IGSF5: variants seen among roughly 807,000 people sequenced by gnomAD.
The protein encoded by IGSF5 is immunoglobulin superfamily 5 like.
Under a neutral mutation model 39.4 loss-of-function variants are expected in IGSF5, and 41 were observed. The observed-to-expected ratio is 1.04, with a 90% CI of 0.81 to 1.35. The LOEUF (loss-of-function observed/expected upper bound fraction) is 1.35, where lower values mean the gene tolerates loss of function less well. Ranked by LOEUF, IGSF5 falls within the 40% of genes most tolerant of loss-of-function variation. The probability of loss-of-function intolerance (pLI) is 0.00; values close to 1 mark genes in which losing one functional copy is unlikely to be tolerated. For missense variants in IGSF5, 487 were observed against 494.6 expected (o/e 0.98, Z 0.15); for synonymous variants, 183 against 175.3 (o/e 1.04, Z -0.34).
intron 2 of IGSF5, among the ~76,000 whole-genome samples, chr21:39,753,280 T>C (rs1193611879): frequency 1.3e-5 from 2 of 152,200 alleles, no homozygotes; most frequent in Non-Finnish European, 2.9e-5. Context: ...TTTTGTATGC[T>C]CGGTTGAAGA....
intron 5 of IGSF5, among the ~76,000 whole-genome samples, chr21:39,782,228 A>G (rs946980508): frequency 1.3e-5 from 2 of 152,128 alleles, no homozygotes; most frequent in Non-Finnish European, 2.9e-5. Flanking sequence ...TGTTTTAATT[A>G]TAGAAGTTTT....
At chr21:39,756,927 T>C (rs1322808065) in intron 2 of IGSF5, among the ~76,000 whole-genome samples, 1 of 152,100 alleles carries the variant, frequency 6.6e-6, no homozygotes, top group Non-Finnish European at 1.5e-5. Context: ...GTCAATGGTC[T>C]GGCCAGGCTT....
the IGSF5 span, among the ~76,000 whole-genome samples, chr21:39,713,626 T>C: frequency 5.2e-3 from 791 of 152,290 alleles, 10 homozygotes; most frequent in African/African-American, 0.018. Context: ...CTGGGTCTCA[T>C]GCAAAACTGG....
the IGSF5 span, among the ~76,000 whole-genome samples, chr21:39,735,704 A>C: frequency 6.6e-6 from 1 of 152,218 alleles, no homozygotes; most frequent in African/African-American, 2.4e-5. Context: ...GAACTCAAAG[A>C]ACACGCATAT....
intron 8 of IGSF5, among the ~76,000 whole-genome samples, chr21:39,796,778 A>G (rs2086998381): frequency 6.6e-6 from 1 of 152,216 alleles, no homozygotes; most frequent in Non-Finnish European, 1.5e-5. Flanking sequence ...AGACTGAAAG[A>G]TCCCAAGCTG....
chr21:39,721,498 G>A, the IGSF5 span, among the ~76,000 whole-genome samples: 1 of 152,168 alleles, frequency 6.6e-6, no homozygotes, highest in Non-Finnish European at 1.5e-5. Flanking sequence ...TCTTAAAGCT[G>A]TTCAACTGAT....
At chr21:39,746,164 T>C in intron 1 of IGSF5, 52 bp from the exon 2 acceptor site, 3 of 701,110 alleles carry the variant, frequency 4.3e-6, no homozygotes, top group East Asian at 2.7e-5. Context: ...GCAGGAACAA[T>C]GGCGAGCCTT....
At chr21:39,713,735 C>T in the IGSF5 span, among the ~76,000 whole-genome samples, 7 of 152,126 alleles carry the variant, frequency 4.6e-5, no homozygotes, top group Admixed American at 1.3e-4. Flanking sequence ...CCTTGTGCTT[C>T]CTTCTTAAAG....
chr21:39,740,768 T>A (rs116841502), upstream of IGSF5, among the ~76,000 whole-genome samples: 1,752 of 152,326 alleles, frequency 0.012, 20 homozygotes, highest in Middle Eastern at 0.027. Context: ...AAGAAATGTG[T>A]CCAGGTTAAG....
At chr21:39,751,959 G>A (rs1033691352) in intron 2 of IGSF5, among the ~76,000 whole-genome samples, 1 of 152,118 alleles carries the variant, frequency 6.6e-6, no homozygotes, top group African/African-American at 2.4e-5. Context: ...CGGTGTCCAG[G>A]TTGCTCCTTA....
intron 1 of IGSF5, among the ~76,000 whole-genome samples, chr21:39,745,953 G>A (rs981700080): frequency 6.6e-6 from 1 of 152,176 alleles, no homozygotes; most frequent in African/African-American, 2.4e-5. Context: ...TCCCAAGATG[G>A]TGGTGAGCCA....
chr21:39,754,205 G>A (rs1345142523), intron 2 of IGSF5, among the ~76,000 whole-genome samples: 1 of 152,138 alleles, frequency 6.6e-6, no homozygotes, highest in Admixed American at 6.6e-5. Context: ...AATGCCTTTA[G>A]CATTTTTTGT....
At chr21:39,718,372 C>T in the IGSF5 span, among the ~76,000 whole-genome samples, 12 of 152,278 alleles carry the variant, frequency 7.9e-5, 1 homozygote, top group South Asian at 1.7e-3. Flanking sequence ...CTGGTTAGGA[C>T]TTCCAATACT....
chr21:39,771,080 G>A lies in IGSF5; in HGVS notation c.583G>A (p.Asp195Asn), dbSNP rs765181728. 1.5e-5 allele frequency: 25 copies of A among 1,613,662 alleles called. No homozygotes were observed. The highest frequency in any genetic ancestry group is 5.0e-5 in the Admixed American group (3 of 59,940). Residue 195 changes from aspartate to asparagine, a missense_variant, in exon 4 of 9, where the codon GAC (aspartate) becomes AAC (asparagine). Transcript: ENST00000380588. ...SSYYFVPEPS[D>N]LQSAVSILAL... ...CTATTATTTTGTTCCGGAGCCCAGC[G>A]ACCTTCAAAGTGCAGTGAGCATCCT...
At chr21:39,754,485 A>T (rs564030680) in intron 2 of IGSF5, among the ~76,000 whole-genome samples, 1 of 152,248 alleles carries the variant, frequency 6.6e-6, no homozygotes, top group East Asian at 1.9e-4. Context: ...CATTTCCAAT[A>T]ATCCAAAAAT....
At chr21:39,790,607 G>A (rs570817170) in intron 6 of IGSF5, among the ~76,000 whole-genome samples, 7 of 151,772 alleles carry the variant, frequency 4.6e-5, no homozygotes, top group Admixed American at 2.0e-4. Flanking sequence ...ACAGTGAGCC[G>A]AGATCACACC....
rs117586474 is a variant in IGSF5 at position 39,762,655 on chromosome 21, C to T, written c.101-2880C>T. 1.1e-3 allele frequency among the ~76,000 whole-genome samples: 168 copies of T among 152,226 alleles called. 4 individuals carry two copies. In the East Asian group the frequency reaches 0.031, roughly 28 times the overall value. ...TACCCCATGAGTCAGCTTTGCAGGC[C>T]TATTTCAAGATACGGCAAATAAAAC... On this transcript the variant is annotated intron_variant, in intron 2 of 8. Transcript: ENST00000380588.
At chr21:39,736,986 A>T in the IGSF5 span, among the ~76,000 whole-genome samples, 1 of 152,102 alleles carries the variant, frequency 6.6e-6, no homozygotes, top group South Asian at 2.1e-4. Flanking sequence ...CCTATGGCAC[A>T]TTGTTCTGGA....
the IGSF5 span, among the ~76,000 whole-genome samples, chr21:39,715,658 A>G: frequency 6.6e-6 from 1 of 152,248 alleles, no homozygotes; most frequent in Non-Finnish European, 1.5e-5. Flanking sequence ...AACAAATAAG[A>G]AAATAGATCC....
Sources: gnomAD v4.1 joint callset for allele counts (sites outside exome capture counted in the v4.1 genomes callset) on GRCh38, gnomAD v4.1.1 for gene constraint, MANE v1.5 for transcripts, NCBI Gene and HGNC (gene_info 2026-07-23, HGNC 2026-07-21) for gene names.